The following PLEKHM3 variants were observed in gnomAD, a reference collection of about 807,000 sequenced individuals.
PLEKHM3 encodes the protein pleckstrin homology domain-containing family M member 3.
Under a neutral mutation model 81.8 loss-of-function variants are expected in PLEKHM3, and 45 were observed. The observed-to-expected ratio is 0.55, with a 90% CI of 0.43 to 0.71. The LOEUF (loss-of-function observed/expected upper bound fraction) is 0.71, where lower values mean the gene tolerates loss of function less well. Ranked by LOEUF, PLEKHM3 falls within the 30% of genes least tolerant of loss-of-function variation. The pLI, the probability that PLEKHM3 is intolerant of heterozygous loss-of-function variation, is 0.00. For missense variants in PLEKHM3, 788 were observed against 924.3 expected (o/e 0.85, Z 1.91); for synonymous variants, 352 against 356.4 (o/e 0.99, Z 0.14).
chr2:207,896,196 T>C lies in PLEKHM3; in HGVS notation c.1950+12318A>G, dbSNP rs140311466. On this transcript the variant is annotated intron_variant, in intron 6 of 7. Transcript: ENST00000427836. ...GGAAGGGGCTGTAAAGATTGTTTAATCCAATCCTCTCACTTCACGAATGAA... is the reference window on the plus strand; with the variant it reads ...GGAAGGGGCTGTAAAGATTGTTTAACCCAATCCTCTCACTTCACGAATGAA... Among the ~76,000 whole-genome samples, 316 of 152,338 alleles carry C rather than the reference T, an allele frequency of 2.1e-3. 1 individual carries two copies. The highest frequency in any genetic ancestry group is 0.017 in the Middle Eastern group (5 of 294).
intron 7 of PLEKHM3, among the ~76,000 whole-genome samples, chr2:207,854,866 T>C (rs544699265): frequency 3.5e-4 from 53 of 152,356 alleles, no homozygotes; most frequent in African/African-American, 1.2e-3. Flanking sequence ...ATCTTAACTA[T>C]GACCACAGCT....
At chr2:207,829,691 C>T (rs909354491) in intron 7 of PLEKHM3, among the ~76,000 whole-genome samples, 8 of 152,158 alleles carry the variant, frequency 5.3e-5, no homozygotes, top group African/African-American at 1.9e-4. Context: ...GCAACTTTTA[C>T]CAAGTCCTAG....
chr2:207,910,044 A>T (rs987501211), intron 5 of PLEKHM3, among the ~76,000 whole-genome samples: 2 of 152,196 alleles, frequency 1.3e-5, no homozygotes, highest in African/African-American at 2.4e-5. Context: ...GGAAAGTAGG[A>T]AAGTCGCTGA....
chr2:208,011,640 G>T (rs1692695851), intron 1 of PLEKHM3, among the ~76,000 whole-genome samples: 1 of 151,936 alleles, frequency 6.6e-6, no homozygotes. Flanking sequence ...AGGAATAAAA[G>T]ACTACAAATC....
rs770740580 is a variant in PLEKHM3 at position 207,841,466 on chromosome 2, AAAAAAAAAAAAAAAATATATATATAT to A, written c.2109-12996_2109-12971del. On this transcript the variant is annotated intron_variant, in intron 7 of 7. Transcript: ENST00000427836. ...TCCATCTCAAAAAAAAAAAAAAAAA[AAAAAAAAAAAAAAAATATATATATAT>A]ATATATATATATATATTCACCACCA... Among the ~76,000 whole-genome samples the A allele has an allele frequency of 8.7e-5, 6 of 69,244 alleles. 1 individual carries two copies. The highest frequency in any genetic ancestry group is 2.3e-4 in the African/African-American group (3 of 13,070). The allele number at this position is 69,244 out of a possible 152,430, so 45.4% of individuals were successfully genotyped here.
Position 207,904,715 on chromosome 2 carries a change from G to A in PLEKHM3, c.1950+3799C>T, listed in dbSNP as rs1442476906. On this transcript the variant is annotated intron_variant, in intron 6 of 7. Transcript: ENST00000427836. ...CATCTAAATGTAAGGGAAAATGCAT[G>A]CAAAGAGGACAGTAATTCAAATAAT... Among the ~76,000 whole-genome samples, 4 of 152,204 alleles carry A rather than the reference G, an allele frequency of 2.6e-5. No homozygotes were observed. The East Asian group carries it at 7.7e-4, about 29-fold the overall frequency.
At position 207,865,801 on chromosome 2, in the gene PLEKHM3, A is replaced by AAAAAATATATATAT; in HGVS notation, c.1951-4540_1951-4539insATATATATATTTTT. On this transcript the variant is annotated intron_variant, in intron 6 of 7. Transcript: ENST00000427836. ...CGACTCAAAAAAAAAAAAAAAAAAA[A>AAAAAATATATATAT]AGATATATATATATATATATATATA... is the stretch of plus-strand genomic sequence containing the variant. 2.4e-4 allele frequency among the ~76,000 whole-genome samples: 6 copies of AAAAAATATATATAT among 25,288 alleles called. 1 individual carries two copies. Among genetic ancestry groups the AAAAAATATATATAT allele is most frequent in the South Asian group, 2.2e-3 (2 of 924 alleles). The allele number at this position is 25,288 out of a possible 152,430, so 16.6% of individuals were successfully genotyped here. A position where few individuals can be genotyped will look rare whatever the true frequency, so the allele number is the denominator to read the frequency against.
At chr2:207,839,458 C>G (rs1403260735) in intron 7 of PLEKHM3, among the ~76,000 whole-genome samples, 2 of 152,084 alleles carry the variant, frequency 1.3e-5, no homozygotes, top group Non-Finnish European at 2.9e-5. Flanking sequence ...AATAAAAGAC[C>G]TAAAGTGTTT....
intron 2 of PLEKHM3, among the ~76,000 whole-genome samples, chr2:207,984,477 T>C (rs1479548905): frequency 6.6e-6 from 1 of 151,772 alleles, no homozygotes; most frequent in East Asian, 1.9e-4. Context: ...ACCTCCCAGG[T>C]TCAAGCAATT....
At chr2:207,955,848 G>C (rs1010662310) in intron 3 of PLEKHM3, among the ~76,000 whole-genome samples, 2 of 152,228 alleles carry the variant, frequency 1.3e-5, no homozygotes, top group Admixed American at 1.3e-4. Flanking sequence ...GACATCACAG[G>C]CATTAGCATC....
intron 1 of PLEKHM3, among the ~76,000 whole-genome samples, chr2:208,015,038 A>C (rs563575609): frequency 6.6e-6 from 1 of 152,268 alleles, no homozygotes; most frequent in African/African-American, 2.4e-5. Context: ...TCTAAGACCA[A>C]GATTAAAAAG....
intron 1 of PLEKHM3, among the ~76,000 whole-genome samples, chr2:208,010,008 C>A (rs1429283548): frequency 6.6e-6 from 1 of 152,108 alleles, no homozygotes; most frequent in Admixed American, 6.5e-5. Context: ...TCACTCAGAC[C>A]TTTTATAGAA....
chr2:208,023,486 G>A (rs1353913749), intron 1 of PLEKHM3, among the ~76,000 whole-genome samples: 4 of 152,068 alleles, frequency 2.6e-5, no homozygotes, highest in Admixed American at 6.5e-5. Context: ...TTAGGAACTG[G>A]GCCACACAAC....
chr2:207,875,735 G>A (rs2105839546), intron 6 of PLEKHM3, among the ~76,000 whole-genome samples: 1 of 152,238 alleles, frequency 6.6e-6, no homozygotes, highest in South Asian at 2.1e-4. Flanking sequence ...CTACTTAGGA[G>A]GCTGAAGTGG....
intron 5 of PLEKHM3, among the ~76,000 whole-genome samples, chr2:207,911,724 C>T (rs1688814672): frequency 6.6e-6 from 1 of 152,186 alleles, no homozygotes; most frequent in South Asian, 2.1e-4. Flanking sequence ...AGCAATGTGG[C>T]AGCAGTGCTA....
At chr2:207,960,955 T>C (rs971511046) in intron 3 of PLEKHM3, among the ~76,000 whole-genome samples, 2 of 152,336 alleles carry the variant, frequency 1.3e-5, no homozygotes, top group South Asian at 4.1e-4. Context: ...AATTAGGATA[T>C]GTCACTTTTG....
chr2:207,952,682 T>G (rs927599265), intron 3 of PLEKHM3, among the ~76,000 whole-genome samples: 2 of 152,188 alleles, frequency 1.3e-5, no homozygotes, highest in Non-Finnish European at 2.9e-5. Flanking sequence ...CAATGTAGCT[T>G]TGAGGTCCAT....
chr2:207,962,924 T>TA (rs11388264), intron 3 of PLEKHM3, among the ~76,000 whole-genome samples: 14,200 of 135,714 alleles, frequency 0.1, 2,235 homozygotes, highest in African/African-American at 0.35. Context: ...AGTCAAAAAT[T>TA]AAAAAAAAAA....
At chr2:207,973,337 G>T (rs1326106168) in intron 3 of PLEKHM3, among the ~76,000 whole-genome samples, 1 of 152,196 alleles carries the variant, frequency 6.6e-6, no homozygotes, top group African/African-American at 2.4e-5. Flanking sequence ...AGTCTCCCAG[G>T]TAATTTAAAA....
Sources: allele counts gnomAD v4.1 joint callset (sites outside exome capture counted in the v4.1 genomes callset), GRCh38; gene constraint gnomAD v4.1.1; transcripts MANE v1.5; gene names NCBI Gene and HGNC (gene_info 2026-07-23, HGNC 2026-07-21).